HMCN2: variants seen among roughly 807,000 people sequenced by gnomAD.
The protein encoded by HMCN2 is hemicentin 2.
In HMCN2, 325 loss-of-function variants were observed where a neutral mutation model predicts 377.5. The ratio of observed to expected loss-of-function variants is 0.86; its 90% CI spans 0.79 to 0.94. The LOEUF (loss-of-function observed/expected upper bound fraction) is 0.94, where lower values mean the gene tolerates loss of function less well. HMCN2 is among the 40% of genes least tolerant of loss of function. The probability of loss-of-function intolerance (pLI) is 0.00; values close to 1 mark genes in which losing one functional copy is unlikely to be tolerated. For missense variants in HMCN2, 4,543 were observed against 4,725.3 expected, an observed-to-expected ratio of 0.96 and a Z score of 1.13; for synonymous variants, 2,007 against 2,046.8, an observed-to-expected ratio of 0.98 and a Z score of 0.53.
At chr9:130,415,674 C>G (rs1441164094) in intron 85 of HMCN2, among the ~76,000 whole-genome samples, 1 of 152,224 alleles carries the variant, frequency 6.6e-6, no homozygotes, top group African/African-American at 2.4e-5. Flanking sequence ...TTCAAGTTGG[C>G]CTCGGTTTAC....
chr9:130,364,142 C>T (rs1196229969), intron 40 of HMCN2, among the ~76,000 whole-genome samples: 4 of 152,152 alleles, frequency 2.6e-5, no homozygotes, highest in Admixed American at 2.6e-4. Context: ...CCACCTGTGC[C>T]ATTGGATTGA....
At chr9:130,335,220 G>A (rs1421167480) in intron 22 of HMCN2, among the ~76,000 whole-genome samples, 2 of 152,094 alleles carry the variant, frequency 1.3e-5, no homozygotes, top group South Asian at 2.1e-4. Context: ...CAGGTGTTGC[G>A]ATGAAATCTA....
Position 130,391,222 on chromosome 9 carries a change from G to C in HMCN2, c.9686G>C (p.Ser3229Thr). Residue 3229 changes from serine (S) to threonine (T), a missense_variant, in exon 64 of 98, where the codon AGC becomes ACC. Around this residue, in one of 5 missense-constraint regions of HMCN2, gnomAD observed 736 missense variants for 773.2 expected, o/e 0.95. Transcript: ENST00000683500. Reference protein sequence around the residue: ...VAVLVAPRIRSSGVAREHHVL... With the variant: ...VAVLVAPRIRTSGVAREHHVL... ...GCCTCAGTGGCCCCCCGGATCCGGA[G>C]CTCGGGCGTGGCGCGGGAGCACCAT... 2 of 987,900 alleles carry C rather than the reference G, an allele frequency of 2.0e-6. No homozygotes were observed. Among genetic ancestry groups the C allele is most frequent in the Non-Finnish European group, 2.4e-6 (2 of 830,232 alleles). The allele number at this position is 987,900 out of a possible 1,614,324, so 61.2% of individuals were successfully genotyped here.
At chr9:130,348,417 G>A (rs1839505738) in intron 26 of HMCN2, 128 bp from the exon 27 acceptor site, 1 of 1,214,016 alleles carries the variant, frequency 8.2e-7, no homozygotes, top group African/African-American at 1.6e-5. Context: ...TTGTGGCTGG[G>A]CGGACGGGGA....
At chr9:130,410,435 G>A (rs1183714120) in intron 84 of HMCN2, 136 bp from the exon 85 acceptor site, 11 of 673,916 alleles carry the variant, frequency 1.6e-5, no homozygotes, top group East Asian at 8.3e-5. Flanking sequence ...GATGCTCTGC[G>A]GGGGATCAGG....
At chr9:130,355,632 A>AGACGTGAG (rs1205549935) in intron 32 of HMCN2, 114 bp from the exon 33 acceptor site, 1 of 535,998 alleles carries the variant, frequency 1.9e-6, no homozygotes, top group Admixed American at 2.4e-5. Context: ...ACTGATAGGG[A>AGACGTGAG]GACGTGAGGG....
rs190616165 is a variant in HMCN2, at chr9:130,293,399, T to C, written c.613-1456T>C. ...TTTCTCTCTGTGGTTGTGGTACCGA[T>C]TTTATGGTTGAGCTCACTGTCTTTC... On this transcript the variant is annotated intron_variant, in intron 4 of 97. Transcript: ENST00000683500. Among the ~76,000 whole-genome samples the C allele has an allele frequency of 3.2e-4, 49 of 150,954 alleles. No homozygotes were observed. The East Asian group carries it at 8.5e-3, about 26-fold the overall frequency.
At chr9:130,322,143 A>C (rs897359038) in intron 19 of HMCN2, among the ~76,000 whole-genome samples, 4 of 152,190 alleles carry the variant, frequency 2.6e-5, no homozygotes, top group African/African-American at 9.7e-5. Context: ...GCATTTTGGC[A>C]TGTATCTTTT....
At chr9:130,305,072 G>A (rs1455762389) in intron 11 of HMCN2, 70 bp downstream of exon 11, 20 of 431,768 alleles carry the variant, frequency 4.6e-5, no homozygotes, top group Middle Eastern at 3.4e-4. Context: ...CAGAAGCCGC[G>A]AGTCCTTCCC....
chr9:130,388,468 CT>C lies in HMCN2; in HGVS notation c.9452del (p.Leu3151ArgfsTer3), dbSNP rs1842130385. 1.0e-6 allele frequency: 1 copy of C among 988,060 alleles called. No homozygotes were observed. Among genetic ancestry groups the C allele is most frequent in the Non-Finnish European group, 1.2e-6 (1 of 830,130 alleles). The allele number at this position is 988,060 out of a possible 1,614,324, so 61.2% of individuals were successfully genotyped here. ...AGTGAGCCAGGTGGCTGGGAGCCCC[CT>C]GGTCCTGACCTGTGATGTGTCCGGG... ...ETVSQVAGSP[L>X]VLTCDVSGVP... On this transcript the variant is annotated frameshift_variant, in exon 62 of 98. Coordinates refer to ENST00000683500, the MANE Select transcript of HMCN2 (RefSeq NM_001291815.2). LOFTEE classifies it high-confidence loss of function.
In HMCN2 at chr9:130,360,991, T is replaced by C. The variant is rs1310588024; in HGVS notation, c.5950+387T>C. The stretch of plus-strand genomic sequence containing the variant: ...ATCCACCTGCCCATTTGTCTACCTG[T>C]CCACCCTCCCATCCACCCACCCATC... On this transcript the variant is annotated intron_variant, in intron 38 of 97. Transcript: ENST00000683500. The surrounding 1 kb of genome is among the most constrained non-coding windows in gnomAD (Gnocchi z 4.7). Among the ~76,000 whole-genome samples the C allele has an allele frequency of 6.6e-6, 1 of 151,784 alleles. No individual in the cohort carries two copies. Among genetic ancestry groups the C allele is most frequent in the Non-Finnish European group, 1.5e-5 (1 of 67,910 alleles).
chr9:130,343,721 C>G, intron 25 of HMCN2, among the ~76,000 whole-genome samples: 2 of 152,372 alleles, frequency 1.3e-5, no homozygotes, highest in Middle Eastern at 6.8e-3. Context: ...TCAGCCTCAC[C>G]CAAATCCCCT....
chr9:130,373,875 GGTGC>G (rs1376494228), intron 48 of HMCN2, among the ~76,000 whole-genome samples: 2 of 129,586 alleles, frequency 1.5e-5, no homozygotes, highest in Non-Finnish European at 3.4e-5. Context: ...TGTGTGGATG[GGTGC>G]ATGGATGGAT....
intron 1 of HMCN2, among the ~76,000 whole-genome samples, chr9:130,267,029 T>G (rs1228763016): frequency 6.6e-6 from 1 of 151,954 alleles, no homozygotes; most frequent in Non-Finnish European, 1.5e-5. Flanking sequence ...CGCTGCAGCC[T>G]CGAACTCCTG....
chr9:130,292,739 C>T (rs1554930461), intron 4 of HMCN2, among the ~76,000 whole-genome samples: 1 of 152,112 alleles, frequency 6.6e-6, no homozygotes, highest in African/African-American at 2.4e-5. Flanking sequence ...GTTCCTATGT[C>T]CTTTTGATAT....
In HMCN2 at chr9:130,394,613, G is replaced by C; in HGVS notation, c.10692+38G>C. The C allele has an allele frequency of 3.2e-6, 4 of 1,246,924 alleles. No individual in the cohort carries two copies. The highest frequency in any genetic ancestry group is 4.1e-6 in the Non-Finnish European group (4 of 965,426). The allele number at this position is 1,246,924 out of a possible 1,614,324, so 77.2% of individuals were successfully genotyped here. A position where few individuals can be genotyped will look rare whatever the true frequency, so the allele number is the denominator to read the frequency against. On this transcript the variant is annotated intron_variant, in intron 69 of 97. Coordinates refer to ENST00000683500, the MANE Select transcript of HMCN2 (RefSeq NM_001291815.2). The surrounding 1 kb of genome is among the most constrained non-coding windows in gnomAD (Gnocchi z 5.1). ...CCGCCATGGGGCGAGGCTGGGGGTT[G>C]GGGGAGAGGGGAGGGACTGCAGGTT... is the stretch of plus-strand genomic sequence containing the variant.
At chr9:130,313,870 C>T (rs879206000) in intron 15 of HMCN2, among the ~76,000 whole-genome samples, 30,232 of 150,058 alleles carry the variant, frequency 0.2, 4,094 homozygotes, top group East Asian at 0.7. Context: ...ACCTCTGCCT[C>T]CCGGGTGCAA....
rs565955652 is a variant in HMCN2 at position 130,395,448 on chromosome 9, G to C, written c.10911+101G>C. 1.1e-5 allele frequency: 11 copies of C among 1,024,684 alleles called. No individual in the cohort carries two copies. The South Asian group carries it at 1.8e-4, about 17-fold the overall frequency. 63.5% of individuals were successfully genotyped at this position (1,024,684 alleles called of 1,614,324 possible). A position where few individuals can be genotyped will look rare whatever the true frequency, so the allele number is the denominator to read the frequency against. On this transcript the variant is annotated intron_variant, in intron 71 of 97. Coordinates refer to ENST00000683500, the MANE Select transcript of HMCN2 (RefSeq NM_001291815.2). ...GATCCAGAGCGGGTGCCAAGGGCCC[G>C]CTCTGAGCTGCACTTTGCACCCTGT... is the stretch of plus-strand genomic sequence containing the variant.
chr9:130,312,193 C>A (rs1452165414), intron 15 of HMCN2, among the ~76,000 whole-genome samples: 1 of 152,126 alleles, frequency 6.6e-6, no homozygotes, highest in African/African-American at 2.4e-5. Context: ...GCACCTATAG[C>A]CCCTGGCCTT....
Sources: allele counts gnomAD v4.1 joint callset (sites outside exome capture counted in the v4.1 genomes callset), GRCh38; gene constraint gnomAD v4.1.1; regional missense constraint gnomAD v4.1.1; non-coding constraint Gnocchi (gnomAD v3.1); transcripts MANE v1.5; gene names NCBI Gene and HGNC (gene_info 2026-07-23, HGNC 2026-07-21).